Variants in SMARCA2 observed in about 807,000 individuals in gnomAD.
SMARCA2 encodes SWI/SNF related BAF chromatin remodeling complex subunit ATPase 2.
In SMARCA2, 61 loss-of-function variants were observed where a neutral mutation model predicts 199.8. That is an observed-to-expected ratio of 0.31 (90% CI 0.25 to 0.38). The LOEUF (loss-of-function observed/expected upper bound fraction) is 0.38, where lower values mean the gene tolerates loss of function less well. Among genes scored for constraint, SMARCA2 ranks in the 10% least tolerant of loss-of-function variants. SMARCA2 has a pLI of 1.00. For synonymous variants in SMARCA2, 935 were observed against 732.0 expected, an observed-to-expected ratio of 1.28 and a Z score of -4.48; for missense variants, 1,344 against 2,012.2, an observed-to-expected ratio of 0.67 and a Z score of 6.35.
intron 12 of SMARCA2, among the ~76,000 whole-genome samples, chr9:2,073,826 C>A (rs1255474174): frequency 6.6e-6 from 1 of 152,116 alleles, no homozygotes; most frequent in African/African-American, 2.4e-5. Flanking sequence ...AAGGCCCTGG[C>A]TAATGGGGAA....
intron 28 of SMARCA2, among the ~76,000 whole-genome samples, chr9:2,168,569 A>G (rs1826060868): frequency 6.6e-6 from 1 of 152,202 alleles, no homozygotes; most frequent in Non-Finnish European, 1.5e-5. Context: ...GAAGTGCGTT[A>G]GGTATTTACT....
At chr9:2,187,275 T>A (rs80176749) in intron 32 of SMARCA2, among the ~76,000 whole-genome samples, 2,448 of 152,286 alleles carry the variant, frequency 0.016, 68 homozygotes, top group African/African-American at 0.056. Context: ...GGTGCCCCCT[T>A]AAATTTTACA....
chr9:2,122,741 G>A (rs2130622776), intron 26 of SMARCA2, among the ~76,000 whole-genome samples: 1 of 152,298 alleles, frequency 6.6e-6, no homozygotes, highest in South Asian at 2.1e-4. Flanking sequence ...TTTCAGTATG[G>A]TAGAACCAAA....
intron 27 of SMARCA2, among the ~76,000 whole-genome samples, chr9:2,141,929 G>A (rs1055308087): frequency 1.3e-5 from 2 of 152,158 alleles, no homozygotes; most frequent in Non-Finnish European, 2.9e-5. Flanking sequence ...TAGCTGGCCC[G>A]GGGAGGACTT....
intron 1 of SMARCA2, among the ~76,000 whole-genome samples, chr9:2,024,639 T>C (rs10757122): frequency 0.11 from 16,374 of 152,222 alleles, 992 homozygotes; most frequent in East Asian, 0.25. Flanking sequence ...CCACTGTTTC[T>C]GACCTTTTTT....
intron 19 of SMARCA2, chr9:2,096,455 G>C (rs570761938): frequency 8.5e-6 from 4 of 473,124 alleles, no homozygotes; most frequent in African/African-American, 7.8e-5. Flanking sequence ...CCTTCAGAAG[G>C]CCCCCCCATC....
chr9:2,109,528 C>G (rs1822898810), intron 23 of SMARCA2, among the ~76,000 whole-genome samples: 1 of 152,096 alleles, frequency 6.6e-6, no homozygotes, highest in Non-Finnish European at 1.5e-5. Context: ...CAAACCACCC[C>G]CAAGTATTTA....
At chr9:2,188,238 GTGTTAATTATACTC>G (rs1344770711) in intron 32 of SMARCA2, among the ~76,000 whole-genome samples, 1 of 151,982 alleles carries the variant, frequency 6.6e-6, no homozygotes, top group East Asian at 1.9e-4. Context: ...GTACTGTAAC[GTGTTAATTATACTC>G]TGTTAATCAG....
intron 31 of SMARCA2, 54 bp from the exon 32 acceptor site, chr9:2,186,042 A>G: frequency 6.4e-7 from 1 of 1,569,508 alleles, no homozygotes. Flanking sequence ...GGAAGAGTTC[A>G]CTGCCATGGT....
At chr9:2,102,207 A>T (rs1027906378) in intron 22 of SMARCA2, among the ~76,000 whole-genome samples, 3 of 151,968 alleles carry the variant, frequency 2.0e-5, no homozygotes, top group Non-Finnish European at 2.9e-5. Context: ...GGATGTAGTC[A>T]TCATTTTTGG....
intron 9 of SMARCA2, among the ~76,000 whole-genome samples, chr9:2,062,489 C>T (rs1027969896): frequency 6.6e-6 from 1 of 152,122 alleles, no homozygotes; most frequent in Non-Finnish European, 1.5e-5. Flanking sequence ...GTTGCATCGT[C>T]GTAGGCAGAG....
chr9:2,126,885 C>T (rs1367210283), intron 27 of SMARCA2, among the ~76,000 whole-genome samples: 4 of 152,218 alleles, frequency 2.6e-5, no homozygotes, highest in Admixed American at 1.3e-4. Flanking sequence ...ATTAATAGTT[C>T]TTCCTCCCTT....
chr9:2,056,431 A>G lies in SMARCA2; in HGVS notation c.1174-241A>G, dbSNP rs762217280. On this transcript the variant is annotated intron_variant, in intron 6 of 33. Transcript: ENST00000349721. This position sits in a 1 kb window ranked among gnomAD's most constrained non-coding sequence, Gnocchi z 4.0. ...CATCTTTTCTTTCTTTTACTGTTAC[A>G]GTACTATAATTGCTTTTGATTTGAA... Among the ~76,000 whole-genome samples the G allele has an allele frequency of 1.3e-5, 2 of 152,234 alleles. No homozygotes were observed. Among genetic ancestry groups the G allele is most frequent in the African/African-American group, 2.4e-5 (1 of 41,452 alleles).
intron 24 of SMARCA2, among the ~76,000 whole-genome samples, chr9:2,113,382 G>A (rs1389099182): frequency 1.3e-5 from 2 of 152,068 alleles, no homozygotes; most frequent in African/African-American, 2.4e-5. Flanking sequence ...CGGAATGGTC[G>A]ACCACATTTA....
intron 31 of SMARCA2, among the ~76,000 whole-genome samples, chr9:2,184,758 CCTCATTT>C (rs1340388894): frequency 6.6e-6 from 1 of 151,926 alleles, no homozygotes; most frequent in Non-Finnish European, 1.5e-5. Flanking sequence ...CTAAAAAGCC[CCTCATTT>C]CTCACCGCTG....
In SMARCA2 at chr9:2,029,227, G is replaced by T. The variant is rs1453440610; in HGVS notation, c.205G>T (p.Gly69Cys). The T allele has an allele frequency of 1.2e-6, 2 of 1,612,122 alleles. No homozygotes were observed. Among genetic ancestry groups the T allele is most frequent in the Non-Finnish European group, 1.7e-6 (2 of 1,178,946 alleles). ...GGGGTCCACAGACTTCCCACAGGAA[G>T]GCATGCATCAAATGCATAAGGTAAG... ...TMGSTDFPQEGMHQMHKPIDG... is the reference protein window; with the variant it reads ...TMGSTDFPQECMHQMHKPIDG... The change falls in exon 2 of 34, where the codon GGC becomes TGC. Residue 69 changes from glycine to cysteine, a missense_variant. By Grantham distance (159) the Gly-to-Cys change is radical (BLOSUM62 -3). Coordinates refer to ENST00000349721, the MANE Select transcript of SMARCA2 (RefSeq NM_003070.5).
intron 27 of SMARCA2, among the ~76,000 whole-genome samples, chr9:2,147,707 G>T (rs1032022736): frequency 6.6e-6 from 1 of 151,556 alleles, no homozygotes; most frequent in African/African-American, 2.4e-5. Flanking sequence ...TTAGCGGGGC[G>T]TGGTGGGCGG....
chr9:2,084,133 C>T lies in SMARCA2; in HGVS notation c.2463C>T (p.Gly821=). The T allele has an allele frequency of 1.2e-6, 2 of 1,612,902 alleles. No homozygotes were observed. Among genetic ancestry groups the T allele is most frequent in the Admixed American group, 1.7e-5 (1 of 60,008 alleles). ...CCCTTGTCCCCCAGCTACGGAGTGGCAAATTCAATGTCCTCTTGACTACTT... is the reference window on the plus strand; with the variant it reads ...CCCTTGTCCCCCAGCTACGGAGTGGTAAATTCAATGTCCTCTTGACTACTT... ...RRSLVPQLRS[G]KFNVLLTTYE... The change falls in exon 17 of 34, where the codon GGC becomes GGT. Residue 821 remains glycine, a synonymous_variant. Transcript: ENST00000349721.
chr9:2,114,692 G>C (rs1823143397), intron 24 of SMARCA2, among the ~76,000 whole-genome samples: 1 of 152,188 alleles, frequency 6.6e-6, no homozygotes, highest in Admixed American at 6.5e-5. Flanking sequence ...GGCTCATGAA[G>C]GTTTTTATTT....
Sources: allele counts gnomAD v4.1 joint callset (sites outside exome capture counted in the v4.1 genomes callset), GRCh38; gene constraint gnomAD v4.1.1; non-coding constraint Gnocchi (gnomAD v3.1); transcripts MANE v1.5; gene names NCBI Gene and HGNC (gene_info 2026-07-23, HGNC 2026-07-21).